The following UNC13C variants were observed in gnomAD, a reference collection of about 807,000 sequenced individuals.
UNC13C encodes the protein protein unc-13 homolog C.
In UNC13C, 174 loss-of-function variants were observed where a neutral mutation model predicts 245.4. The observed-to-expected ratio is 0.71, with a 90% CI of 0.63 to 0.80. The LOEUF (loss-of-function observed/expected upper bound fraction) is 0.80, where lower values mean the gene tolerates loss of function less well. UNC13C is among the 30% of genes least tolerant of loss of function. The pLI, the probability that UNC13C is intolerant of heterozygous loss-of-function variation, is 0.00. For missense variants in UNC13C, 2,829 were observed against 2,602.9 expected (o/e 1.09, Z -1.89); for synonymous variants, 992 against 895.1 (o/e 1.11, Z -1.93).
At chr15:54,094,166 G>C (rs533109520) in intron 2 of UNC13C, among the ~76,000 whole-genome samples, 6 of 152,148 alleles carry the variant, frequency 3.9e-5, no homozygotes, top group Admixed American at 6.6e-5. Context: ...GGACTCCGAA[G>C]GCCTTACTGA....
intron 26 of UNC13C, 25 bp downstream of exon 26, chr15:54,533,091 C>G (rs1895835070): frequency 1.3e-6 from 2 of 1,565,448 alleles, no homozygotes; most frequent in Admixed American, 1.9e-5. Flanking sequence ...CCAGTTTTCT[C>G]TTTACTTATT....
chr15:54,501,796 T>G (rs559782289), intron 22 of UNC13C, among the ~76,000 whole-genome samples: 2 of 152,036 alleles, frequency 1.3e-5, no homozygotes, highest in South Asian at 4.1e-4. Context: ...ACGGAGAAGT[T>G]AGAAAAGTAT....
intron 19 of UNC13C, among the ~76,000 whole-genome samples, chr15:54,486,497 A>G (rs559274091): frequency 4.6e-5 from 7 of 152,242 alleles, no homozygotes; most frequent in Non-Finnish European, 8.8e-5. Context: ...CACCTGGTTC[A>G]TAGTAGAATA....
At chr15:54,566,733 GAA>G (rs372460677) in intron 29 of UNC13C, among the ~76,000 whole-genome samples, 1 of 150,766 alleles carries the variant, frequency 6.6e-6, no homozygotes, top group East Asian at 1.9e-4. Flanking sequence ...CTTGAATAGG[GAA>G]AAAAAAACTG....
At position 54,418,197 on chromosome 15, in the gene UNC13C, A is replaced by G. The variant is rs112135301; in HGVS notation, c.4933+3130A>G. Among the ~76,000 whole-genome samples, 397 of 152,286 alleles carry G rather than the reference A, an allele frequency of 2.6e-3. 1 individual carries two copies. Among genetic ancestry groups the G allele is most frequent in the Middle Eastern group, 3.4e-3 (1 of 294 alleles). Reference sequence around the variant, plus strand: ...TCCTTACCCAAAGGCTTTCTAATATATAACAATCTATTTTACATTAGCAAA... The same window carrying G: ...TCCTTACCCAAAGGCTTTCTAATATGTAACAATCTATTTTACATTAGCAAA... On this transcript the variant is annotated intron_variant, in intron 19 of 32. Transcript: ENST00000260323.
At chr15:54,130,842 A>T (rs2031374453) in intron 2 of UNC13C, among the ~76,000 whole-genome samples, 1 of 152,144 alleles carries the variant, frequency 6.6e-6, no homozygotes, top group Non-Finnish European at 1.5e-5. Context: ...TTATTCAAAT[A>T]GTTCTAGAAA....
At chr15:53,947,415 A>G in the UNC13C span, among the ~76,000 whole-genome samples, 13 of 152,348 alleles carry the variant, frequency 8.5e-5, no homozygotes, top group South Asian at 6.2e-4. Context: ...TCTCAGCTCA[A>G]CAACAGTCCT....
At chr15:53,944,768 CTT>C in the UNC13C span, among the ~76,000 whole-genome samples, 3 of 152,110 alleles carry the variant, frequency 2.0e-5, no homozygotes, top group Admixed American at 2.0e-4. Flanking sequence ...ATTTGTATTT[CTT>C]TGGGTATATA....
At chr15:54,497,983 C>T (rs191123387) in intron 20 of UNC13C, among the ~76,000 whole-genome samples, 1 of 152,100 alleles carries the variant, frequency 6.6e-6, no homozygotes, top group African/African-American at 2.4e-5. Flanking sequence ...TAAAGGCTAC[C>T]AGACAACAGG....
chr15:53,890,810 A>G, the UNC13C span, among the ~76,000 whole-genome samples: 1 of 151,806 alleles, frequency 6.6e-6, no homozygotes, highest in Admixed American at 6.6e-5. Flanking sequence ...TTTTAAAAAA[A>G]CCAGCTCCTG....
intron 19 of UNC13C, among the ~76,000 whole-genome samples, chr15:54,448,196 A>G (rs1414463806): frequency 3.9e-5 from 6 of 152,164 alleles, no homozygotes; most frequent in Non-Finnish European, 7.3e-5. Flanking sequence ...ACTTCCAACT[A>G]TGTGGTCAGT....
At chr15:53,984,131 C>CT (rs1894033537) in intron 1 of UNC13C, among the ~76,000 whole-genome samples, 1 of 152,080 alleles carries the variant, frequency 6.6e-6, no homozygotes, top group East Asian at 1.9e-4. Context: ...ACATATGTCA[C>CT]TCCCTGATCA....
the UNC13C span, among the ~76,000 whole-genome samples, chr15:53,865,793 ATTTAT>A: frequency 6.6e-6 from 1 of 152,128 alleles, no homozygotes; most frequent in Non-Finnish European, 1.5e-5. Context: ...GTATATTTAT[ATTTAT>A]TTTATTTTGA....
chr15:53,972,059 T>G, the UNC13C span, among the ~76,000 whole-genome samples: 1 of 152,220 alleles, frequency 6.6e-6, no homozygotes, highest in South Asian at 2.1e-4. Flanking sequence ...TGATATATTT[T>G]ATTAATTTGT....
intron 2 of UNC13C, among the ~76,000 whole-genome samples, chr15:54,041,962 T>C (rs78789190): frequency 0.014 from 2,101 of 152,268 alleles, 53 homozygotes; most frequent in African/African-American, 0.048. Flanking sequence ...TCCGATCGAG[T>C]ACATCTCAAC....
chr15:53,845,523 A>C, the UNC13C span, among the ~76,000 whole-genome samples: 1 of 152,102 alleles, frequency 6.6e-6, no homozygotes, highest in Admixed American at 6.6e-5. Context: ...TGGTTTTAAT[A>C]CCACAGCATA....
chr15:54,128,921 A>AAAACAAT (rs1165660549), intron 2 of UNC13C, among the ~76,000 whole-genome samples: 1 of 152,132 alleles, frequency 6.6e-6, no homozygotes, highest in African/African-American at 2.4e-5. Context: ...AGGCCTCTCA[A>AAAACAAT]CTGGGTCATT....
At chr15:53,850,070 T>G in the UNC13C span, among the ~76,000 whole-genome samples, 2 of 152,158 alleles carry the variant, frequency 1.3e-5, no homozygotes, top group African/African-American at 4.8e-5. Flanking sequence ...GCTGCAGGTT[T>G]GCCTTAGTTC....
chr15:54,354,580 C>A (rs2039052881), intron 17 of UNC13C, among the ~76,000 whole-genome samples: 1 of 152,110 alleles, frequency 6.6e-6, no homozygotes, highest in Non-Finnish European at 1.5e-5. Context: ...GCACTGACAG[C>A]CTATAAAAAT....
Sources: allele counts gnomAD v4.1 joint callset (sites outside exome capture counted in the v4.1 genomes callset), GRCh38; gene constraint gnomAD v4.1.1; transcripts MANE v1.5; gene names NCBI Gene and HGNC (gene_info 2026-07-23, HGNC 2026-07-21).